Variants in CCDC125 observed in about 807,000 individuals in gnomAD.
CCDC125 encodes the protein coiled-coil domain containing 125.
CCDC125 carries 43 observed loss-of-function variants against 57.4 expected under a neutral mutation model. The ratio of observed to expected loss-of-function variants is 0.75; its 90% CI spans 0.59 to 0.97. CCDC125 has a LOEUF of 0.97. Among genes scored for constraint, CCDC125 ranks in the 50% least tolerant of loss-of-function variants. The probability of loss-of-function intolerance (pLI) is 0.00; values close to 1 mark genes in which losing one functional copy is unlikely to be tolerated. For missense variants in CCDC125, 563 were observed against 595.7 expected (o/e 0.95, Z 0.57); for synonymous variants, 187 against 195.2 (o/e 0.96, Z 0.35).
intron 2 of CCDC125, among the ~76,000 whole-genome samples, chr5:69,316,552 C>G (rs1185492916): frequency 6.6e-6 from 1 of 152,176 alleles, no homozygotes; most frequent in Non-Finnish European, 1.5e-5. Context: ...CTTTAGCCCA[C>G]TGAAATTTAT....
chr5:69,315,433 G>A (rs1255370154), intron 2 of CCDC125, among the ~76,000 whole-genome samples: 2 of 85,038 alleles, frequency 2.4e-5, no homozygotes, highest in Admixed American at 1.9e-4. Context: ...GCGAGATTCT[G>A]TCTCAAAAAA....
At chr5:69,276,410 T>A (rs775207462), downstream of CCDC125, 4 of 715,804 alleles carry the variant, frequency 5.6e-6, no homozygotes, top group Non-Finnish European at 9.6e-6. Flanking sequence ...TACTTGACAT[T>A]AATTTTGTTT....
intron 1 of CCDC125, among the ~76,000 whole-genome samples, chr5:69,331,042 C>T (rs1461095560): frequency 1.3e-5 from 2 of 152,040 alleles, no homozygotes; most frequent in African/African-American, 2.4e-5. Context: ...GTGGCTCACA[C>T]ATGTAATCCG....
chr5:69,276,853 G>GT (rs1272874492), downstream of CCDC125, among the ~76,000 whole-genome samples: 10 of 152,346 alleles, frequency 6.6e-5, no homozygotes, highest in African/African-American at 2.4e-4. Context: ...TTTTAGGTAT[G>GT]TTTACTTTCA....
At chr5:69,298,520 T>C (rs1346739572) in intron 8 of CCDC125, among the ~76,000 whole-genome samples, 1 of 152,206 alleles carries the variant, frequency 6.6e-6, no homozygotes, top group African/African-American at 2.4e-5. Flanking sequence ...GAAAGGTCTT[T>C]TCCCTTTTCA....
chr5:69,276,960 T>C, downstream of CCDC125: 1 of 707,384 alleles, frequency 1.4e-6, no homozygotes, highest in Non-Finnish European at 2.4e-6. Flanking sequence ...GTAAACTACA[T>C]GCTAAATGTT....
intron 1 of CCDC125, among the ~76,000 whole-genome samples, chr5:69,327,196 G>A (rs1760845451): frequency 6.6e-6 from 1 of 150,494 alleles, no homozygotes; most frequent in African/African-American, 2.5e-5. Context: ...CCGGGTTCAT[G>A]CCAGTCTCCT....
intron 3 of CCDC125, chr5:69,313,641 T>A: frequency 1.3e-6 from 1 of 740,796 alleles, no homozygotes; most frequent in Non-Finnish European, 2.5e-6. Flanking sequence ...GCAATCCTTA[T>A]CCGGTAGCAT....
At chr5:69,324,144 T>C (rs532378982) in intron 1 of CCDC125, among the ~76,000 whole-genome samples, 1 of 152,324 alleles carries the variant, frequency 6.6e-6, no homozygotes, top group Non-Finnish European at 1.5e-5. Context: ...TGACCATGTA[T>C]TAAGGAATTT....
downstream of CCDC125, chr5:69,276,772 G>A: frequency 8.8e-7 from 1 of 1,136,806 alleles, no homozygotes; most frequent in Non-Finnish European, 1.3e-6. Flanking sequence ...CTGAACAACA[G>A]CAAAGAAATG....
Position 69,316,155 on chromosome 5 carries a change from C to T in CCDC125, c.305-2109G>A, listed in dbSNP as rs1178309471. On this transcript the variant is annotated intron_variant, in intron 2 of 11. Transcript: ENST00000396496. ...CAGGCTTCCAAGGAGGGCAGAGTGA[C>T]TCTGGGTTGGCAGTGACAAGTTCTG... Among the ~76,000 whole-genome samples the T allele has an allele frequency of 3.3e-5, 5 of 152,198 alleles. No homozygotes were observed. The East Asian group carries it at 9.6e-4, about 29-fold the overall frequency.
intron 6 of CCDC125, among the ~76,000 whole-genome samples, chr5:69,305,982 A>T (rs942162315): frequency 6.6e-6 from 1 of 152,244 alleles, no homozygotes; most frequent in African/African-American, 2.4e-5. Context: ...TATAATTTAA[A>T]GTTATTAAAT....
chr5:69,273,047 T>C, the CCDC125 span: 12 of 1,503,736 alleles, frequency 8.0e-6, no homozygotes, highest in Non-Finnish European at 1.1e-5. Flanking sequence ...CACAGGTATT[T>C]TGGTGTATCT....
At chr5:69,330,589 A>G (rs1314910080) in intron 1 of CCDC125, among the ~76,000 whole-genome samples, 1 of 111,996 alleles carries the variant, frequency 8.9e-6, no homozygotes, top group Non-Finnish European at 1.9e-5. Flanking sequence ...GCAAGACTCC[A>G]TCTAAAAAAA....
intron 4 of CCDC125, 126 bp from the exon 5 acceptor site, chr5:69,308,154 G>C (rs973390208): frequency 1.4e-6 from 1 of 704,594 alleles, no homozygotes; most frequent in Non-Finnish European, 2.5e-6. Flanking sequence ...ATTTCACAGT[G>C]ACCACCTTTT....
intron 2 of CCDC125, 141 bp downstream of exon 2, chr5:69,320,096 C>T (rs1250534739): frequency 1.2e-6 from 1 of 832,716 alleles, no homozygotes; most frequent in Non-Finnish European, 1.9e-6. Flanking sequence ...GCACTCCAGC[C>T]TGGGTGACAG....
intron 1 of CCDC125, among the ~76,000 whole-genome samples, chr5:69,326,852 C>T (rs1760793441): frequency 6.6e-6 from 1 of 151,882 alleles, no homozygotes; most frequent in Non-Finnish European, 1.5e-5. Context: ...GTAGTTCAGA[C>T]CAGCCTGGGC....
chr5:69,313,469 A>G (rs1758488613), intron 3 of CCDC125: 7 of 1,191,398 alleles, frequency 5.9e-6, no homozygotes, highest in Non-Finnish European at 8.8e-6. Flanking sequence ...TTTGCTTGTA[A>G]TTCTTGCTTG....
chr5:69,311,524 T>G (rs1027935703), intron 3 of CCDC125, among the ~76,000 whole-genome samples: 9 of 152,016 alleles, frequency 5.9e-5, no homozygotes, highest in Non-Finnish European at 1.2e-4. Context: ...TGGTGGTGCA[T>G]GCCTGTAATC....
Sources: allele counts gnomAD v4.1 joint callset (sites outside exome capture counted in the v4.1 genomes callset), GRCh38; gene constraint gnomAD v4.1.1; transcripts MANE v1.5; gene names NCBI Gene and HGNC (gene_info 2026-07-23, HGNC 2026-07-21).